Variants in ATXN1 observed in about 807,000 individuals in gnomAD.
ATXN1 encodes the protein ataxin-1.
A neutral mutation model predicts 56.4 loss-of-function variants in ATXN1; 8 were observed. The ratio of observed to expected loss-of-function variants is 0.14; its 90% confidence interval spans 0.08 to 0.26. The LOEUF (loss-of-function observed/expected upper bound fraction) is 0.26, where lower values mean the gene tolerates loss of function less well. Among genes scored for constraint, ATXN1 ranks in the 10% least tolerant of loss-of-function variants. The probability of loss-of-function intolerance (pLI) is 1.00; values close to 1 mark genes in which losing one functional copy is unlikely to be tolerated. For synonymous variants in ATXN1, 514 were observed against 494.6 expected (o/e 1.04, Z -0.52); for missense variants, 987 against 1,106.5 (o/e 0.89, Z 1.53).
intron 4 of ATXN1, among the ~76,000 whole-genome samples, chr6:16,569,189 G>A (rs776017455): frequency 1.3e-5 from 2 of 151,964 alleles, no homozygotes; most frequent in Non-Finnish European, 2.9e-5. Flanking sequence ...ATAACATAAG[G>A]GACTGTCAGT....
intron 3 of ATXN1, among the ~76,000 whole-genome samples, chr6:16,590,050 C>G (rs962231145): frequency 6.6e-6 from 1 of 151,776 alleles, no homozygotes; most frequent in Admixed American, 6.6e-5. Flanking sequence ...ATTGAGCTGA[C>G]GTAATTATAA....
At chr6:16,430,481 T>C (rs1348427658) in intron 6 of ATXN1, among the ~76,000 whole-genome samples, 4 of 152,224 alleles carry the variant, frequency 2.6e-5, no homozygotes, top group African/African-American at 4.8e-5. Flanking sequence ...TTTCCAGACA[T>C]GTTTTTGAAA....
At chr6:16,593,056 G>C (rs1162378624) in intron 3 of ATXN1, among the ~76,000 whole-genome samples, 1 of 152,132 alleles carries the variant, frequency 6.6e-6, no homozygotes. Context: ...TAGCTACAGA[G>C]CACTGACTGG....
chr6:16,707,159 A>C (rs1001194934), intron 2 of ATXN1, among the ~76,000 whole-genome samples: 1 of 151,892 alleles, frequency 6.6e-6, no homozygotes, highest in African/African-American at 2.4e-5. Context: ...GAAATGTGGA[A>C]GCTAGCATCT....
At chr6:16,582,998 C>T (rs989138251) in intron 4 of ATXN1, among the ~76,000 whole-genome samples, 5 of 152,188 alleles carry the variant, frequency 3.3e-5, no homozygotes, top group Admixed American at 6.5e-5. Context: ...CCTATATTTG[C>T]TAACACATTT....
intron 2 of ATXN1, among the ~76,000 whole-genome samples, chr6:16,679,270 T>G (rs6922185): frequency 0.87 from 126,583 of 145,976 alleles, 54,737 homozygotes; most frequent in African/African-American, 0.95. Context: ...ATGGATGAGT[T>G]AGTGGGTGGA....
At chr6:16,367,987 T>G (rs1248032581) in intron 6 of ATXN1, among the ~76,000 whole-genome samples, 1 of 151,914 alleles carries the variant, frequency 6.6e-6, no homozygotes, top group Non-Finnish European at 1.5e-5. Context: ...GGCCAACATG[T>G]GAAACCCTGT....
At chr6:16,651,479 G>A (rs1244970629) in intron 3 of ATXN1, among the ~76,000 whole-genome samples, 1 of 151,010 alleles carries the variant, frequency 6.6e-6, no homozygotes, top group Non-Finnish European at 1.5e-5. Context: ...GGGAAGCAGA[G>A]GTTGCAGTAA....
chr6:16,598,284 G>A (rs962939677), intron 3 of ATXN1, among the ~76,000 whole-genome samples: 1 of 152,056 alleles, frequency 6.6e-6, no homozygotes, highest in South Asian at 2.1e-4. Flanking sequence ...CAGCCCTCCA[G>A]CAACACATTG....
At chr6:16,721,811 CCTAT>C (rs1237280869) in intron 2 of ATXN1, among the ~76,000 whole-genome samples, 4 of 152,100 alleles carry the variant, frequency 2.6e-5, no homozygotes, top group Non-Finnish European at 5.9e-5. Flanking sequence ...AGAAGATGTG[CCTAT>C]CTTTCAATTC....
intron 3 of ATXN1, among the ~76,000 whole-genome samples, chr6:16,590,677 T>C (rs961796385): frequency 2.0e-5 from 3 of 151,972 alleles, no homozygotes; most frequent in African/African-American, 7.3e-5. Flanking sequence ...CATTCTTTTT[T>C]TTTTTTCTTT....
At chr6:16,347,224 G>T (rs1241751728) in intron 6 of ATXN1, among the ~76,000 whole-genome samples, 1 of 152,248 alleles carries the variant, frequency 6.6e-6, no homozygotes, top group African/African-American at 2.4e-5. Context: ...TGAGGAGTGC[G>T]GGCGCACGGC....
chr6:16,613,158 G>A (rs1250623624), intron 3 of ATXN1, among the ~76,000 whole-genome samples: 8 of 149,332 alleles, frequency 5.4e-5, no homozygotes, highest in East Asian at 2.0e-4. Flanking sequence ...CCAGCCACTC[G>A]GGAGGCTGAG....
At chr6:16,668,214 C>G (rs1758471133) in intron 2 of ATXN1, among the ~76,000 whole-genome samples, 1 of 151,770 alleles carries the variant, frequency 6.6e-6, no homozygotes, top group Admixed American at 6.6e-5. Context: ...GTTTTTATTA[C>G]TAAAGTTTTA....
At chr6:16,664,526 T>C (rs982942863) in intron 2 of ATXN1, among the ~76,000 whole-genome samples, 2 of 152,088 alleles carry the variant, frequency 1.3e-5, no homozygotes, top group African/African-American at 2.4e-5. Flanking sequence ...TTTTTAAAGG[T>C]TGGGATAAAT....
rs558137007 is a variant in ATXN1, at chr6:16,662,349, TG to T, written c.-614-4449del. Among the ~76,000 whole-genome samples, 15 of 148,040 alleles carry T rather than the reference TG, an allele frequency of 1.0e-4. No homozygotes were observed. The East Asian group carries it at 2.6e-3, about 26-fold the overall frequency. ...TCATCAAACTTCTTTTTTTTTTTTT[TG>T]AAATAGAGTTTTGCTCTTGTTGCCC... On this transcript the variant is annotated intron_variant, in intron 2 of 7. Coordinates refer to ENST00000436367, the MANE Select transcript of ATXN1 (RefSeq NM_001128164.2).
intron 4 of ATXN1, among the ~76,000 whole-genome samples, chr6:16,578,932 T>C (rs1313546789): frequency 6.6e-6 from 1 of 152,204 alleles, no homozygotes; most frequent in Non-Finnish European, 1.5e-5. Flanking sequence ...CATCCTCCCA[T>C]CTTATTGCCC....
At chr6:16,545,615 T>C (rs933214344) in intron 4 of ATXN1, among the ~76,000 whole-genome samples, 1 of 152,118 alleles carries the variant, frequency 6.6e-6, no homozygotes, top group Non-Finnish European at 1.5e-5. Context: ...TAAACAACCT[T>C]GTGGGGTGGT....
chr6:16,418,059 G>A (rs1451565108), intron 6 of ATXN1, among the ~76,000 whole-genome samples: 2 of 152,162 alleles, frequency 1.3e-5, no homozygotes, highest in Non-Finnish European at 2.9e-5. Flanking sequence ...TGATTAATGG[G>A]AGCATGGTCC....
Sources: gnomAD v4.1 joint callset for allele counts (sites outside exome capture counted in the v4.1 genomes callset) on GRCh38, gnomAD v4.1.1 for gene constraint, MANE v1.5 for transcripts, NCBI Gene and HGNC (gene_info 2026-07-23, HGNC 2026-07-21) for gene names.